Variants in SEZ6L observed in about 807,000 individuals in gnomAD.
SEZ6L encodes seizure 6-like protein.
SEZ6L carries 37 observed loss-of-function variants against 106.2 expected under a neutral mutation model. The observed-to-expected ratio is 0.35, with a 90% CI of 0.27 to 0.46. The LOEUF is 0.46. Ranked by LOEUF, SEZ6L falls within the 20% of genes least tolerant of loss-of-function variation. The probability of loss-of-function intolerance (pLI) is 1.00; values close to 1 mark genes in which losing one functional copy is unlikely to be tolerated. For synonymous variants in SEZ6L, 541 were observed against 570.4 expected (o/e 0.95, Z 0.73); for missense variants, 1,172 against 1,332.8 (o/e 0.88, Z 1.88).
chr22:26,273,130 A>G lies in SEZ6L; in HGVS notation c.95-19276A>G, dbSNP rs189413704. Among the ~76,000 whole-genome samples, 565 of 152,314 alleles carry G rather than the reference A, an allele frequency of 3.7e-3. 11 individuals carry two copies. Among genetic ancestry groups the G allele is most frequent in the South Asian group, 8.3e-3 (40 of 4,830 alleles). ...GGGGAATTGGCATCTTTCCTTCTCC[A>G]TCTCTCTGCCTCTCTCTTCCTCCCT... On this transcript the variant is annotated intron_variant, in intron 1 of 16. Coordinates refer to ENST00000248933, the MANE Select transcript of SEZ6L (RefSeq NM_021115.5).
At chr22:26,234,572 T>C (rs1170466553) in intron 1 of SEZ6L, among the ~76,000 whole-genome samples, 1 of 152,256 alleles carries the variant, frequency 6.6e-6, no homozygotes, top group Non-Finnish European at 1.5e-5. Context: ...AGAACAGCAT[T>C]CTTCCTCTGT....
chr22:26,183,979 C>G (rs534765573), intron 1 of SEZ6L, among the ~76,000 whole-genome samples: 4 of 152,112 alleles, frequency 2.6e-5, no homozygotes, highest in Non-Finnish European at 5.9e-5. Context: ...AAAACAACTC[C>G]GAGGACCTAG....
intron 1 of SEZ6L, among the ~76,000 whole-genome samples, chr22:26,208,870 G>C (rs894501014): frequency 2.1e-4 from 31 of 147,764 alleles, no homozygotes; most frequent in Non-Finnish European, 3.6e-4. Flanking sequence ...GTGTGTGTGT[G>C]TGTGTGTGTG....
At chr22:26,278,122 G>T (rs2080612594) in intron 1 of SEZ6L, among the ~76,000 whole-genome samples, 1 of 152,170 alleles carries the variant, frequency 6.6e-6, no homozygotes, top group African/African-American at 2.4e-5. Flanking sequence ...TCCAGGGAAA[G>T]GTAAGGAGTT....
chr22:26,377,028 C>T (rs1241604987), intron 15 of SEZ6L, among the ~76,000 whole-genome samples: 2 of 152,108 alleles, frequency 1.3e-5, no homozygotes, highest in Non-Finnish European at 1.5e-5. Context: ...CCCTATAATC[C>T]CAGCACTTTG....
chr22:26,330,360 G>T (rs116656045), intron 9 of SEZ6L, among the ~76,000 whole-genome samples: 1 of 152,322 alleles, frequency 6.6e-6, no homozygotes, highest in African/African-American at 2.4e-5. Context: ...GGGTTAGTCC[G>T]AGGATAAGAT....
chr22:26,292,243 G>A (rs2081149314), intron 1 of SEZ6L, 163 bp from the exon 2 acceptor site: 3 of 584,148 alleles, frequency 5.1e-6, no homozygotes, highest in East Asian at 5.7e-5. Flanking sequence ...GGAAGGAGGA[G>A]AAAAAAGAAA....
rs1247551394 is a variant in SEZ6L at position 26,310,782 on chromosome 22, G to A, written c.1627G>A (p.Glu543Lys). 4 of 1,614,112 alleles carry A rather than the reference G, an allele frequency of 2.5e-6. No individual in the cohort carries two copies. Among genetic ancestry groups the A allele is most frequent in the Admixed American group, 1.7e-5 (1 of 60,018 alleles). ...LLSEGNTIRI[E>K]FTSDQARAAS... ...GAGCGAAGGCAACACCATCCGCATC[G>A]AGTTCACGTCCGACCAGGCCCGGGC... is the stretch of plus-strand genomic sequence containing the variant. The change falls in exon 7 of 17, where the codon GAG becomes AAG. Residue 543 changes from glutamate (E) to lysine (K), a missense_variant. By Grantham distance (56) the Glu-to-Lys change is moderately conservative. Coordinates refer to ENST00000248933, the MANE Select transcript of SEZ6L (RefSeq NM_021115.5).
chr22:26,173,445 C>T (rs1409897468), intron 1 of SEZ6L, among the ~76,000 whole-genome samples: 1 of 152,212 alleles, frequency 6.6e-6, no homozygotes, highest in East Asian at 1.9e-4. Context: ...CCCTTCCAAA[C>T]TCTCATGCTG....
chr22:26,209,740 G>A (rs2078093497), intron 1 of SEZ6L, among the ~76,000 whole-genome samples: 1 of 145,480 alleles, frequency 6.9e-6, no homozygotes, highest in South Asian at 2.2e-4. Context: ...AAGGAGAGAG[G>A]GAGAGAGGAG....
At position 26,343,324 on chromosome 22, in the gene SEZ6L, CAA is replaced by C. The variant is rs763323751; in HGVS notation, c.2212+2709_2212+2710del. Among the ~76,000 whole-genome samples the C allele has an allele frequency of 4.8e-3, 300 of 63,078 alleles. 3 individuals carry two copies. Among genetic ancestry groups the C allele is most frequent in the African/African-American group, 0.017 (283 of 16,258 alleles). 41.4% of individuals were successfully genotyped at this position (63,078 alleles called of 152,430 possible). ...CCAAACCTGCATTCAGCTTGATGGC[CAA>C]AAAAAAAAAAAAAAAACTGACTGAC... On this transcript the variant is annotated intron_variant, in intron 10 of 16. Coordinates refer to ENST00000248933, the MANE Select transcript of SEZ6L (RefSeq NM_021115.5).
intron 12 of SEZ6L, among the ~76,000 whole-genome samples, chr22:26,364,491 G>A (rs2083741247): frequency 6.6e-6 from 1 of 151,304 alleles, no homozygotes; most frequent in African/African-American, 2.4e-5. Flanking sequence ...TACTCAGAAG[G>A]CTTAAGCAGG....
chr22:26,308,957 C>G (rs1197076209), intron 6 of SEZ6L, among the ~76,000 whole-genome samples: 1 of 152,176 alleles, frequency 6.6e-6, no homozygotes, highest in African/African-American at 2.4e-5. Context: ...GTAGATGCCC[C>G]TTCCCACTCC....
chr22:26,249,794 A>C (rs1482768041), intron 1 of SEZ6L, among the ~76,000 whole-genome samples: 2 of 152,180 alleles, frequency 1.3e-5, no homozygotes, highest in Non-Finnish European at 2.9e-5. Context: ...CATTCCCACC[A>C]ACTGTGTATA....
At chr22:26,304,218 G>T (rs1009873841) in intron 5 of SEZ6L, among the ~76,000 whole-genome samples, 6 of 151,928 alleles carry the variant, frequency 3.9e-5, no homozygotes, top group African/African-American at 1.5e-4. Context: ...TGGGCGCGGT[G>T]GTGGGCACCT....
rs1325861259 is a variant in SEZ6L at position 26,311,918 on chromosome 22, A to G, written c.1832A>G (p.Asn611Ser). ...EQGPAIIECI[N>S]VRDPYWNDTE... ...GGCCCGGCCATCATCGAATGCATCA[A>G]TGTGCGGGACCCATACTGGAATGAC... The change falls in exon 8 of 17, where the codon AAT (asparagine) becomes AGT (serine). Residue 611 changes from asparagine to serine, a missense_variant. Coordinates refer to ENST00000248933, the MANE Select transcript of SEZ6L (RefSeq NM_021115.5). The G allele has an allele frequency of 6.2e-7, 1 of 1,613,954 alleles. No homozygotes were observed. Among genetic ancestry groups the G allele is most frequent in the Non-Finnish European group, 8.5e-7 (1 of 1,179,966 alleles).
intron 6 of SEZ6L, among the ~76,000 whole-genome samples, chr22:26,307,700 T>G (rs899599385): frequency 2.1e-5 from 2 of 95,000 alleles, no homozygotes; most frequent in South Asian, 2.5e-4. Flanking sequence ...TTCTGGAGAC[T>G]CTGAAAATCT....
At chr22:26,252,028 G>T (rs2079610349) in intron 1 of SEZ6L, among the ~76,000 whole-genome samples, 1 of 152,132 alleles carries the variant, frequency 6.6e-6, no homozygotes, top group Non-Finnish European at 1.5e-5. Context: ...AGCAGGAGCA[G>T]CGGCGGCAGC....
chr22:26,307,948 T>A (rs903062971), intron 6 of SEZ6L, among the ~76,000 whole-genome samples: 2 of 152,134 alleles, frequency 1.3e-5, no homozygotes, highest in African/African-American at 4.8e-5. Context: ...CCTGCAAAGA[T>A]CTGCATGAGC....
Sources: gnomAD v4.1 joint callset for allele counts (sites outside exome capture counted in the v4.1 genomes callset) on GRCh38, gnomAD v4.1.1 for gene constraint, MANE v1.5 for transcripts, NCBI Gene and HGNC (gene_info 2026-07-23, HGNC 2026-07-21) for gene names.